Variants in SYVN1 observed in about 807,000 individuals in gnomAD.
SYVN1 encodes E3 ubiquitin-protein ligase synoviolin.
A neutral mutation model predicts 62.6 loss-of-function variants in SYVN1; 17 were observed. That is an observed-to-expected ratio of 0.27 (90% CI 0.19 to 0.41). SYVN1 has a LOEUF of 0.41. Among genes scored for constraint, SYVN1 ranks in the 10% least tolerant of loss-of-function variants. The probability of loss-of-function intolerance (pLI) is 1.00; values close to 1 mark genes in which losing one functional copy is unlikely to be tolerated. For synonymous variants in SYVN1, 316 were observed against 304.0 expected (o/e 1.04, Z -0.41); for missense variants, 634 against 818.0 (o/e 0.78, Z 2.74).
chr11:65,134,029 G>A (rs1183732628), intron 1 of SYVN1, among the ~76,000 whole-genome samples: 1 of 152,280 alleles, frequency 6.6e-6, no homozygotes, highest in African/African-American at 2.4e-5. Context: ...GAGCAGCCAA[G>A]GCACAGAGGA....
At chr11:65,132,135 G>C in intron 6 of SYVN1, 113 bp downstream of exon 6, 1 of 821,208 alleles carries the variant, frequency 1.2e-6, no homozygotes, top group Non-Finnish European at 2.1e-6. Context: ...GCCCCTTGGT[G>C]GCCAGCACAG....
chr11:65,128,225 G>A lies in SYVN1; in HGVS notation c.*157C>T, dbSNP rs1370372183. 1.5e-6 allele frequency: 1 copy of A among 645,324 alleles called. No individual in the cohort carries two copies. The highest frequency in any genetic ancestry group is 2.7e-6 in the Non-Finnish European group (1 of 372,120). 40.0% of individuals were successfully genotyped at this position (645,324 alleles called of 1,614,324 possible). On this transcript the variant is annotated 3_prime_UTR_variant, in exon 16 of 16. Transcript: ENST00000377190. The stretch of plus-strand genomic sequence containing the variant: ...GGACTGGAGTCAAATGGGAACCCCA[G>A]CCTCTTTCCACTTGGCCTAGGGGAT...
Position 65,131,134 on chromosome 11 carries a change from G to C in SYVN1, c.822C>G (p.Thr274=). 6.2e-7 allele frequency: 1 copy of C among 1,614,174 alleles called. No individual in the cohort carries two copies. ...GCAGCCATGACAAGCCTACTTACAG[G>C]GTGTTCATGTTGCGGATGGCTCGGC... ...MSRRAIRNMN[T]LYPDATPEEL... The change falls in exon 9 of 16, where the codon ACC becomes ACG. Residue 274 remains threonine, a splice_region_variant and synonymous_variant. Coordinates refer to ENST00000377190, the MANE Select transcript of SYVN1 (RefSeq NM_172230.3).
rs1183216276 is a variant in SYVN1, at chr11:65,130,378, G to A, written c.1107C>T (p.Phe369=). 5 of 1,532,456 alleles carry A rather than the reference G, an allele frequency of 3.3e-6. No homozygotes were observed. Among genetic ancestry groups the A allele is most frequent in the Non-Finnish European group, 4.4e-6 (5 of 1,142,346 alleles). 94.9% of individuals were successfully genotyped at this position (1,532,456 alleles called of 1,614,324 possible). ...GAAAAGGAGGCAGGAGGCCCTGGGG[G>A]ACTGCAGAGAGAAGACGGAGGTAAG... is the stretch of plus-strand genomic sequence containing the variant. ...PPPLLPQPPN[F]PQGLLPPFPP... is the part of the protein sequence containing the mutation. The change falls in exon 12 of 16, where the codon TTC becomes TTT. Residue 369 remains phenylalanine, a splice_region_variant and synonymous_variant. Coordinates refer to ENST00000377190, the MANE Select transcript of SYVN1 (RefSeq NM_172230.3).
Position 65,133,249 on chromosome 11 carries a change from G to C in SYVN1, c.136C>G (p.Leu46Val), listed in dbSNP as rs1948203652. The C allele has an allele frequency of 6.2e-7, 1 of 1,614,072 alleles. No individual in the cohort carries two copies. Among genetic ancestry groups the C allele is most frequent in the Non-Finnish European group, 8.5e-7 (1 of 1,180,048 alleles). Reference protein sequence around the residue: ...LTKSSPSMAVLYIQAFVLVFL... With the variant: ...LTKSSPSMAVVYIQAFVLVFL... ...ACAAGGACAAAGGCCTGGATGTACA[G>C]GACCTAGGAGTGGGGAGAGGCTGTG... Residue 46 changes from leucine to valine, a missense_variant, in exon 3 of 16, where the codon CTG (leucine) becomes GTG (valine). Leu to Val is a conservative substitution (Grantham distance 32). Transcript: ENST00000377190.
In SYVN1 at chr11:65,129,907, G is replaced by T. The variant is rs774907805; in HGVS notation, c.1417C>A (p.Pro473Thr). ...MPLPPPFAFPPMPVPPAGFAG... is the reference protein window; with the variant it reads ...MPLPPPFAFPTMPVPPAGFAG... ...AAGCCCGCAGGGGGCACAGGCATTG[G>T]GGGGAAGGCTGGAGAGAGAGAGGCT... The change falls in exon 14 of 16, where the codon CCA becomes ACA. Residue 473 changes from proline (P) to threonine (T), a missense_variant. Coordinates refer to ENST00000377190, the MANE Select transcript of SYVN1 (RefSeq NM_172230.3). 4.3e-6 allele frequency: 7 copies of T among 1,613,434 alleles called. No individual in the cohort carries two copies. The highest frequency in any genetic ancestry group is 5.1e-6 in the Non-Finnish European group (6 of 1,179,720).
intron 14 of SYVN1, 134 bp downstream of exon 14, chr11:65,129,595 G>C (rs937034540): frequency 2.0e-5 from 15 of 766,412 alleles, no homozygotes; most frequent in Non-Finnish European, 3.0e-5. Flanking sequence ...AGAACTCCTG[G>C]AGACCCTTGG....
At position 65,130,198 on chromosome 11, in the gene SYVN1, G is replaced by A. The variant is rs1274474121; in HGVS notation, c.1235-23C>T. The A allele has an allele frequency of 7.5e-6, 12 of 1,608,328 alleles. No individual in the cohort carries two copies. In the South Asian group the frequency reaches 1.2e-4, roughly 16 times the overall value. On this transcript the variant is annotated intron_variant, in intron 12 of 15. Transcript: ENST00000377190. ...CTGCTGAAGAGCAGGAACGAAGTCA[G>A]TGAGTGTTCCATCCCTGCCGCCCCC...
At position 65,133,610 on chromosome 11, in the gene SYVN1, C is replaced by A; in HGVS notation, c.-9G>T. 1 of 1,607,626 alleles carries A rather than the reference C, an allele frequency of 6.2e-7. No individual in the cohort carries two copies. On this transcript the variant is annotated 5_prime_UTR_variant, in exon 2 of 16. Coordinates refer to ENST00000377190, the MANE Select transcript of SYVN1 (RefSeq NM_172230.3). The stretch of plus-strand genomic sequence containing the variant: ...ACTGCCGTGCGGAACATTGCCCTGG[C>A]CCGGAGACCTGCATGGGGCAAGAAA...
intron 6 of SYVN1, among the ~76,000 whole-genome samples, 176 bp downstream of exon 6, chr11:65,132,072 C>T (rs1456419392): frequency 6.6e-6 from 1 of 152,196 alleles, no homozygotes; most frequent in African/African-American, 2.4e-5. Context: ...TTGTGCGTCT[C>T]CCCAGTCACC....
At chr11:65,129,605 G>A in intron 14 of SYVN1, 124 bp downstream of exon 14, 1 of 863,122 alleles carries the variant, frequency 1.2e-6, no homozygotes, top group Non-Finnish European at 1.8e-6. Context: ...GAGACCCTTG[G>A]TGGGCCTGTA....
chr11:65,128,599 C>T lies in SYVN1; in HGVS notation c.1711G>A (p.Ala571Thr), dbSNP rs1948133746. The T allele has an allele frequency of 1.9e-6, 3 of 1,614,034 alleles. No individual in the cohort carries two copies. Among genetic ancestry groups the T allele is most frequent in the South Asian group, 1.1e-5 (1 of 91,088 alleles). The stretch of plus-strand genomic sequence containing the variant: ...TCCATTTCAGGGGCTGGTGGGGAGG[C>T]TCCTGGGGTTGGGGTCGTGGCCTCT... ...SSEATTPTPGASPPAPEMERP... is the reference protein window; with the variant it reads ...SSEATTPTPGTSPPAPEMERP... The change falls in exon 15 of 16, where the codon GCC becomes ACC. Residue 571 changes from alanine to threonine, a missense_variant. Physicochemically the swap from Ala to Thr is moderately conservative, Grantham distance 58. Coordinates refer to ENST00000377190, the MANE Select transcript of SYVN1 (RefSeq NM_172230.3).
rs1241352850 is a variant in SYVN1 at position 65,127,616 on chromosome 11, TC to T, written c.*765del. 2 of 152,936 alleles carry T rather than the reference TC, an allele frequency of 1.3e-5. No homozygotes were observed. Among genetic ancestry groups the T allele is most frequent in the Admixed American group, 1.3e-4 (2 of 15,330 alleles). 9.5% of individuals were successfully genotyped at this position (152,936 alleles called of 1,614,324 possible). Reference sequence around the variant, plus strand: ...AGTTCTGCCAGTTGAGAAGTGGCCTTCCTTGGGCGCTGGGATTGCAGTGGTC... The same window carrying T: ...AGTTCTGCCAGTTGAGAAGTGGCCTTCTTGGGCGCTGGGATTGCAGTGGTC... On this transcript the variant is annotated 3_prime_UTR_variant, in exon 16 of 16. Coordinates refer to ENST00000377190, the MANE Select transcript of SYVN1 (RefSeq NM_172230.3).
chr11:65,128,885 G>A (rs1420627926), intron 14 of SYVN1, 171 bp from the exon 15 acceptor site: 2 of 691,022 alleles, frequency 2.9e-6, no homozygotes, highest in African/African-American at 3.6e-5. Flanking sequence ...AGGGTGACTG[G>A]ACTCAAGGGC....
chr11:65,130,449 G>A (rs1948162960), intron 11 of SYVN1, 70 bp from the exon 12 acceptor site: 2 of 1,470,954 alleles, frequency 1.4e-6, no homozygotes, highest in South Asian at 1.4e-5. Context: ...CAGGGGGCCT[G>A]GCTATTGAGA....
rs1948203402 is a variant in SYVN1, at chr11:65,133,217, A to C, written c.168T>G (p.Leu56=). 1 of 1,614,004 alleles carries C rather than the reference A, an allele frequency of 6.2e-7. No individual in the cohort carries two copies. The highest frequency in any genetic ancestry group is 1.1e-5 in the South Asian group (1 of 91,086). Residue 56 remains leucine (L), a synonymous_variant, in exon 3 of 16, where the codon CTT becomes CTG. Transcript: ENST00000377190. ...LYIQAFVLVF[L]LGKVMGKVFF... is the part of the protein sequence containing the mutation. The stretch of plus-strand genomic sequence containing the variant: ...ACACCTTGCCCATCACCTTGCCCAG[A>C]AGGAAGACAAGGACAAAGGCCTGGA...
chr11:65,129,733 A>C lies in SYVN1; in HGVS notation c.1591T>G (p.Leu531Val). The change falls in exon 14 of 16, where the codon TTG becomes GTG. Residue 531 changes from leucine (L) to valine (V), a missense_variant. Transcript: ENST00000377190. ...INQYLTVLAS[L>V]GPPRPATSVN... is the part of the protein sequence containing the mutation. ...GCTTCCCCTGTACAGACACACCCCA[A>C]GGAGGCCAGCACGGTGAGGTACTGG... 6.2e-7 allele frequency: 1 copy of C among 1,614,094 alleles called. No homozygotes were observed. The highest frequency in any genetic ancestry group is 8.5e-7 in the Non-Finnish European group (1 of 1,179,954).
chr11:65,133,662 C>A, intron 1 of SYVN1, 44 bp from the exon 2 acceptor site: 1 of 1,522,836 alleles, frequency 6.6e-7, no homozygotes. Context: ...TCGTGCTGTG[C>A]AAAATAGCCC....
chr11:65,130,199 T>C (rs761038155), intron 12 of SYVN1, 24 bp from the exon 13 acceptor site: 20 of 1,608,052 alleles, frequency 1.2e-5, no homozygotes, highest in Non-Finnish European at 1.7e-5. Context: ...ACGAAGTCAG[T>C]GAGTGTTCCA....
Sources: allele counts gnomAD v4.1 joint callset (sites outside exome capture counted in the v4.1 genomes callset), GRCh38; gene constraint gnomAD v4.1.1; transcripts MANE v1.5; gene names NCBI Gene and HGNC (gene_info 2026-07-23, HGNC 2026-07-21).